Variants in DNAAF11 observed in about 807,000 individuals in gnomAD.
DNAAF11 encodes the protein leucine rich repeat containing 6.
In DNAAF11, 45 loss-of-function variants were observed where a neutral mutation model predicts 60.8. The observed-to-expected ratio is 0.74, with a 90% CI of 0.58 to 0.95. DNAAF11 has a LOEUF of 0.95. Among genes scored for constraint, DNAAF11 ranks in the 40% least tolerant of loss-of-function variants. The probability of loss-of-function intolerance (pLI) is 0.00; values close to 1 mark genes in which losing one functional copy is unlikely to be tolerated. For missense variants in DNAAF11, 546 were observed against 546.2 expected, an observed-to-expected ratio of 1.00 and a Z score of 0.00; for synonymous variants, 191 against 183.5, an observed-to-expected ratio of 1.04 and a Z score of -0.33.
intron 7 of DNAAF11, among the ~76,000 whole-genome samples, chr8:132,621,592 T>C (rs573938823): frequency 3.9e-5 from 6 of 152,200 alleles, no homozygotes; most frequent in Admixed American, 3.9e-4. Flanking sequence ...GTAGGCTAAA[T>C]AGAGACCGCC....
At chr8:132,676,954 G>A (rs752824924), upstream of DNAAF11, among the ~76,000 whole-genome samples, 1 of 152,194 alleles carries the variant, frequency 6.6e-6, no homozygotes, top group Non-Finnish European at 1.5e-5. Context: ...GCAGGTTAGT[G>A]TGAGGTGAAC....
chr8:132,690,220 T>C, the DNAAF11 span, among the ~76,000 whole-genome samples: 88,361 of 152,018 alleles, frequency 0.58, 28,046 homozygotes, highest in African/African-American at 0.85. Flanking sequence ...TATGTCCCCA[T>C]GCAAATCTCA....
chr8:132,589,901 A>C (rs888570329), intron 10 of DNAAF11, among the ~76,000 whole-genome samples: 4 of 152,222 alleles, frequency 2.6e-5, no homozygotes, highest in Non-Finnish European at 5.9e-5. Context: ...AGAGTGGAAG[A>C]TCATGAAAGT....
intron 11 of DNAAF11, among the ~76,000 whole-genome samples, chr8:132,578,800 G>C (rs1339129535): frequency 6.6e-6 from 1 of 152,194 alleles, no homozygotes; most frequent in African/African-American, 2.4e-5. Context: ...GAGGAGCAGA[G>C]GCCTGAAGTC....
At chr8:132,672,366 A>G (rs1417268175) in intron 1 of DNAAF11, among the ~76,000 whole-genome samples, 6 of 152,204 alleles carry the variant, frequency 3.9e-5, no homozygotes, top group African/African-American at 1.4e-4. Flanking sequence ...CCCAGGCTCA[A>G]TATTGGTCCT....
chr8:132,593,359 A>ATATATT (rs1427637816), intron 10 of DNAAF11, among the ~76,000 whole-genome samples: 2 of 145,044 alleles, frequency 1.4e-5, no homozygotes, highest in African/African-American at 2.5e-5. Context: ...ATATATATAT[A>ATATATT]TATTTATATG....
rs763900107 is a variant in DNAAF11, at chr8:132,610,255, G to GA, written c.1050dup (p.Gln351SerfsTer12). On this transcript the variant is annotated frameshift_variant, in exon 10 of 12. Coordinates refer to ENST00000620350, the MANE Select transcript of DNAAF11 (RefSeq NM_012472.6). LOFTEE classifies it high-confidence loss of function. Reference sequence around the variant, plus strand: ...TTCACTTCTGCAGGAAGGACAAGCTGAAATGGCTGAAAATAAGTAGAAAGA... The same window carrying GA: ...TTCACTTCTGCAGGAAGGACAAGCTGAAAATGGCTGAAAATAAGTAGAAAGA... 1 of 1,610,094 alleles carries GA rather than the reference G, an allele frequency of 6.2e-7. No individual in the cohort carries two copies. Among genetic ancestry groups the GA allele is most frequent in the Non-Finnish European group, 8.5e-7 (1 of 1,176,474 alleles).
chr8:132,650,187 C>T (rs557574159), intron 3 of DNAAF11, among the ~76,000 whole-genome samples: 2 of 152,308 alleles, frequency 1.3e-5, no homozygotes, highest in South Asian at 4.1e-4. Context: ...ACTATGCAGC[C>T]ATAAAAATGG....
chr8:132,574,930 C>T (rs1489996317), intron 11 of DNAAF11, among the ~76,000 whole-genome samples: 1 of 152,180 alleles, frequency 6.6e-6, no homozygotes, highest in African/African-American at 2.4e-5. Context: ...GTACCAAACA[C>T]ACAGCATAAA....
chr8:132,672,161 A>G (rs1825251672), intron 1 of DNAAF11, among the ~76,000 whole-genome samples: 1 of 152,200 alleles, frequency 6.6e-6, no homozygotes, highest in Admixed American at 6.5e-5. Context: ...AAACAAATCA[A>G]TGTATAAAAT....
chr8:132,678,761 T>TTA (rs1416290038), upstream of DNAAF11, among the ~76,000 whole-genome samples: 1 of 150,098 alleles, frequency 6.7e-6, no homozygotes, highest in Non-Finnish European at 1.5e-5. Context: ...AAAAATAAAT[T>TTA]TATAATTTAT....
At chr8:132,672,992 C>G (rs968907157) in intron 1 of DNAAF11, among the ~76,000 whole-genome samples, 31 of 152,150 alleles carry the variant, frequency 2.0e-4, no homozygotes, top group Admixed American at 8.5e-4. Context: ...ACAGGAAAGG[C>G]AGCGGAAAAA....
intron 10 of DNAAF11, among the ~76,000 whole-genome samples, chr8:132,597,539 T>C (rs139107524): frequency 6.6e-6 from 1 of 152,292 alleles, no homozygotes; most frequent in African/African-American, 2.4e-5. Flanking sequence ...TTGGCAGCAA[T>C]AGATTTCATT....
At chr8:132,610,941 C>T (rs1205515303) in intron 9 of DNAAF11, among the ~76,000 whole-genome samples, 1 of 152,154 alleles carries the variant, frequency 6.6e-6, no homozygotes, top group East Asian at 1.9e-4. Flanking sequence ...ATAGCCCAGG[C>T]TGGAGTGCAG....
Position 132,583,763 on chromosome 8 carries a change from G to A in DNAAF11, c.1157C>T (p.Thr386Ile). Residue 386 changes from threonine to isoleucine, a missense_variant, in exon 11 of 12, where the codon ACA becomes ATA. Transcript: ENST00000620350. ...ICMPKVGEVI[T>I]GGQRAFKSMK... ...AGATTTGAATGCTCGCTGACCACCT[G>A]TGATTACTTCTCCTACCTAAAATAA... 1 of 1,612,996 alleles carries A rather than the reference G, an allele frequency of 6.2e-7. No homozygotes were observed. The highest frequency in any genetic ancestry group is 1.7e-4 in the Middle Eastern group (1 of 6,056).
chr8:132,700,074 T>G, the DNAAF11 span, among the ~76,000 whole-genome samples: 1 of 152,192 alleles, frequency 6.6e-6, no homozygotes, highest in African/African-American at 2.4e-5. Flanking sequence ...TAAATGACGC[T>G]GAATTGTATA....
chr8:132,643,950 A>C (rs1822110071), intron 3 of DNAAF11, among the ~76,000 whole-genome samples: 1 of 152,176 alleles, frequency 6.6e-6, no homozygotes, highest in African/African-American at 2.4e-5. Flanking sequence ...AATTTACAAG[A>C]ACAAATAAAT....
At chr8:132,618,998 C>T (rs1171188928) in intron 7 of DNAAF11, among the ~76,000 whole-genome samples, 7 of 152,048 alleles carry the variant, frequency 4.6e-5, no homozygotes, top group South Asian at 2.1e-4. Flanking sequence ...CACATGCACA[C>T]GTATGTTTAT....
intron 2 of DNAAF11, among the ~76,000 whole-genome samples, chr8:132,659,141 ACAAGACCCCACATGG>A (rs1270867840): frequency 1.3e-5 from 2 of 152,172 alleles, no homozygotes; most frequent in African/African-American, 4.8e-5. Flanking sequence ...GGGGCACTTG[ACAAGACCCCACATGG>A]CCCCTGGGCT....
Sources: allele counts gnomAD v4.1 joint callset (sites outside exome capture counted in the v4.1 genomes callset), GRCh38; gene constraint gnomAD v4.1.1; transcripts MANE v1.5; gene names NCBI Gene and HGNC (gene_info 2026-07-23, HGNC 2026-07-21).